Variants in ASRGL1 observed in about 807,000 individuals in gnomAD.
ASRGL1 encodes isoaspartyl peptidase/L-asparaginase.
ASRGL1 carries 16 observed loss-of-function variants against 22.4 expected under a neutral mutation model. That is an observed-to-expected ratio of 0.71 (90% CI 0.48 to 1.08). The LOEUF (loss-of-function observed/expected upper bound fraction) is 1.08. Among genes scored for constraint, ASRGL1 ranks in the 50% least tolerant of loss-of-function variants. The pLI is 0.00. For synonymous variants in ASRGL1, 165 were observed against 159.3 expected, an observed-to-expected ratio of 1.04 and a Z score of -0.27; for missense variants, 412 against 410.1, an observed-to-expected ratio of 1.00 and a Z score of -0.04.
chr11:62,392,650 G>A lies in ASRGL1; in HGVS notation c.*366G>A, dbSNP rs893261150. 3.6e-6 allele frequency: 1 copy of A among 279,108 alleles called. No individual in the cohort carries two copies. The highest frequency in any genetic ancestry group is 2.2e-5 in the African/African-American group (1 of 44,798). The allele number at this position is 279,108 out of a possible 1,614,324, so 17.3% of individuals were successfully genotyped here. A position where few individuals can be genotyped will look rare whatever the true frequency, so the allele number is the denominator to read the frequency against. Reference sequence around the variant, plus strand: ...ACATGACAGATGTGGGAGACCCACAGCCTGCAGACACTGTGGGCTGGAAGG... The same window carrying A: ...ACATGACAGATGTGGGAGACCCACAACCTGCAGACACTGTGGGCTGGAAGG... On this transcript the variant is annotated 3_prime_UTR_variant, in exon 7 of 7. Coordinates refer to ENST00000415229, the MANE Select transcript of ASRGL1 (RefSeq NM_001083926.2).
intron 4 of ASRGL1, among the ~76,000 whole-genome samples, chr11:62,374,655 C>G (rs1413835459): frequency 1.3e-5 from 2 of 152,176 alleles, no homozygotes. Context: ...TACCATGACT[C>G]CTGCCCTTGG....
intron 5 of ASRGL1, among the ~76,000 whole-genome samples, chr11:62,390,854 G>A (rs114546749): frequency 5.3e-5 from 8 of 152,132 alleles, no homozygotes; most frequent in African/African-American, 1.9e-4. Context: ...GGGTAAAGGC[G>A]AATCCTTCCA....
At chr11:62,379,282 T>A (rs1481093483) in intron 4 of ASRGL1, among the ~76,000 whole-genome samples, 1 of 152,164 alleles carries the variant, frequency 6.6e-6, no homozygotes. Flanking sequence ...AGACATCTGC[T>A]CCAGTGTCTA....
Position 62,338,120 on chromosome 11 carries a change from T to C in ASRGL1, c.143T>C (p.Val48Ala), listed in dbSNP as rs762927822. 4 of 1,603,620 alleles carry C rather than the reference T, an allele frequency of 2.5e-6. No individual in the cohort carries two copies. In the South Asian group the frequency reaches 3.4e-5, roughly 13 times the overall value. ...LREGGSAVDAVEGAVVALEDD... is the reference protein window; with the variant it reads ...LREGGSAVDAAEGAVVALEDD... ...GAGGGCGGGAGCGCCGTGGATGCCG[T>C]AGAGGGAGCTGTCGTCGCCCTGGAA... The change falls in exon 2 of 7, where the codon GTA (valine) becomes GCA (alanine). Residue 48 changes from valine to alanine, a missense_variant. Transcript: ENST00000415229.
At chr11:62,357,416 A>ATTTTTT (rs1342638247) in intron 4 of ASRGL1, among the ~76,000 whole-genome samples, 1 of 100,412 alleles carries the variant, frequency 1.0e-5, no homozygotes, top group African/African-American at 3.9e-5. Context: ...CACCCGGCTC[A>ATTTTTT]TTTTTTTTTT....
intron 4 of ASRGL1, among the ~76,000 whole-genome samples, chr11:62,360,247 C>T (rs1946401439): frequency 6.6e-6 from 1 of 151,204 alleles, no homozygotes; most frequent in Non-Finnish European, 1.5e-5. Context: ...AGACTGGTCT[C>T]GAACTCCTGA....
chr11:62,380,362 T>G (rs1947035294), intron 4 of ASRGL1, among the ~76,000 whole-genome samples: 1 of 152,164 alleles, frequency 6.6e-6, no homozygotes, highest in Admixed American at 6.5e-5. Flanking sequence ...GGGTAGGGCT[T>G]TTTAGAGCCT....
intron 2 of ASRGL1, among the ~76,000 whole-genome samples, chr11:62,345,602 C>A (rs896771572): frequency 6.6e-5 from 10 of 152,164 alleles, no homozygotes; most frequent in Non-Finnish European, 1.5e-4. Flanking sequence ...TATTGCAAGT[C>A]CCCTGGTTAT....
At chr11:62,389,083 G>A (rs1287379710) in intron 4 of ASRGL1, 50 bp from the exon 5 acceptor site, 2 of 1,486,424 alleles carry the variant, frequency 1.3e-6, no homozygotes, top group Middle Eastern at 1.7e-4. Flanking sequence ...TGGTTATGGT[G>A]TTCATTCTCA....
intron 2 of ASRGL1, among the ~76,000 whole-genome samples, chr11:62,343,937 T>TTTTTTA: frequency 1.4e-5 from 2 of 148,006 alleles, no homozygotes. Flanking sequence ...TTTTTTTTTT[T>TTTTTTA]TTCTTTTTGA....
chr11:62,378,230 G>A (rs1277633169), intron 4 of ASRGL1, among the ~76,000 whole-genome samples: 1 of 152,132 alleles, frequency 6.6e-6, no homozygotes, highest in Non-Finnish European at 1.5e-5. Context: ...TAATGAAAAG[G>A]AGTAGAGGTT....
chr11:62,340,423 C>A (rs546083713), intron 2 of ASRGL1, among the ~76,000 whole-genome samples: 2 of 152,214 alleles, frequency 1.3e-5, no homozygotes, highest in African/African-American at 4.8e-5. Context: ...TTAAACCTTA[C>A]GCTTCTTAGC....
chr11:62,347,076 T>C lies in ASRGL1; in HGVS notation c.190+8909T>C, dbSNP rs113242289. 1.0e-2 allele frequency among the ~76,000 whole-genome samples: 1,518 copies of C among 152,276 alleles called. 29 individuals carry two copies. Among genetic ancestry groups the C allele is most frequent in the African/African-American group, 0.032 (1,328 of 41,544 alleles). ...GCACCCAAACTTTGATGTGATTCTG[T>C]TTTAATGTAACTTCTGAGGAAGTCT... On this transcript the variant is annotated intron_variant, in intron 2 of 6. Coordinates refer to ENST00000415229, the MANE Select transcript of ASRGL1 (RefSeq NM_001083926.2).
intron 4 of ASRGL1, chr11:62,371,808 G>T: frequency 2.1e-6 from 1 of 482,394 alleles, no homozygotes; most frequent in Non-Finnish European, 3.8e-6. Flanking sequence ...AAAAAAATTA[G>T]CCGGGCGTGG....
chr11:62,380,934 T>A (rs1173377749), intron 4 of ASRGL1, among the ~76,000 whole-genome samples: 1 of 152,074 alleles, frequency 6.6e-6, no homozygotes, highest in Non-Finnish European at 1.5e-5. Flanking sequence ...CACTAGGTGG[T>A]GCTGTAGGAT....
Position 62,356,474 on chromosome 11 carries a change from G to A in ASRGL1, c.333+7G>A. On this transcript the variant is annotated splice_region_variant and intron_variant, in intron 3 of 6. Coordinates refer to ENST00000415229, the MANE Select transcript of ASRGL1 (RefSeq NM_001083926.2). ...TCGGCTTGTCATGGAAAAGGTATAT[G>A]TGACTAAAGCAGCCTTTTCCTAATG... 6.2e-7 allele frequency: 1 copy of A among 1,613,896 alleles called. No homozygotes were observed. The highest frequency in any genetic ancestry group is 1.1e-5 in the South Asian group (1 of 91,078).
chr11:62,364,684 C>G (rs1401094868), intron 4 of ASRGL1, among the ~76,000 whole-genome samples: 2 of 152,114 alleles, frequency 1.3e-5, no homozygotes, highest in Admixed American at 6.6e-5. Context: ...GGAGATCCTG[C>G]CATTTGCAGC....
At chr11:62,380,389 A>G (rs1438886392) in intron 4 of ASRGL1, among the ~76,000 whole-genome samples, 1 of 152,178 alleles carries the variant, frequency 6.6e-6, no homozygotes, top group African/African-American at 2.4e-5. Flanking sequence ...ATTGTATTGA[A>G]TGAGGGGCAG....
At chr11:62,377,394 T>TA (rs1946957639) in intron 4 of ASRGL1, among the ~76,000 whole-genome samples, 1 of 152,218 alleles carries the variant, frequency 6.6e-6, no homozygotes. Context: ...CAGAATCTGA[T>TA]ACAATATTAA....
Sources: gnomAD v4.1 joint callset for allele counts (sites outside exome capture counted in the v4.1 genomes callset) on GRCh38, gnomAD v4.1.1 for gene constraint, MANE v1.5 for transcripts, NCBI Gene and HGNC (gene_info 2026-07-23, HGNC 2026-07-21) for gene names.